RHEB: variants seen among roughly 807,000 people sequenced by gnomAD.
RHEB encodes GTP-binding protein Rheb.
In RHEB, 2 loss-of-function variants were observed where a neutral mutation model predicts 28.8. That is an observed-to-expected ratio of 0.07 (90% confidence interval 0.03 to 0.22). RHEB has a LOEUF of 0.22. RHEB is among the 10% of genes least tolerant of loss of function. The pLI, the probability that RHEB is intolerant of heterozygous loss-of-function variation, is 1.00. For synonymous variants in RHEB, 69 were observed against 77.3 expected (o/e 0.89, Z 0.56); for missense variants, 76 against 219.9 (o/e 0.35, Z 4.14).
chr7:151,517,891 T>A (rs923732672), intron 1 of RHEB: 1 of 152,192 alleles, frequency 6.6e-6, no homozygotes, highest in African/African-American at 2.4e-5. Flanking sequence ...AAGTACTTAC[T>A]TGACTGACTA....
At chr7:151,489,593 G>C (rs944505571) in intron 2 of RHEB, among the ~76,000 whole-genome samples, 2 of 152,212 alleles carry the variant, frequency 1.3e-5, no homozygotes, top group Non-Finnish European at 2.9e-5. Context: ...TAAAGGGCCA[G>C]ACAGTACCAG....
At chr7:151,501,823 TCCTACC>T in intron 1 of RHEB, 1 of 437,668 alleles carries the variant, frequency 2.3e-6, no homozygotes, top group Admixed American at 2.9e-5. Context: ...AGAGCCGGTG[TCCTACC>T]AGCCGCTGCT....
intron 3 of RHEB, among the ~76,000 whole-genome samples, chr7:151,479,684 A>AAC (rs1238550047): frequency 6.8e-6 from 1 of 147,686 alleles, no homozygotes; most frequent in African/African-American, 2.5e-5. Flanking sequence ...CTCCGTCTCA[A>AAC]AAAAAAAAAA....
At chr7:151,516,622 C>CA (rs551863062) in intron 1 of RHEB, among the ~76,000 whole-genome samples, 2,710 of 91,928 alleles carry the variant, frequency 0.029, 77 homozygotes, top group East Asian at 0.11. Context: ...GACTCTGTCA[C>CA]AAAAAAAAAA....
chr7:151,488,891 A>T (rs1802528994), intron 2 of RHEB, among the ~76,000 whole-genome samples: 1 of 152,232 alleles, frequency 6.6e-6, no homozygotes, highest in Non-Finnish European at 1.5e-5. Context: ...TTACTAAGAA[A>T]ATGTATGTAT....
At chr7:151,474,564 C>T (rs1039244015) in intron 4 of RHEB, among the ~76,000 whole-genome samples, 79 of 152,100 alleles carry the variant, frequency 5.2e-4, no homozygotes, top group African/African-American at 1.5e-3. Flanking sequence ...AATTTACAGG[C>T]GACAAAGGTA....
chr7:151,502,712 C>G (rs551322673), intron 1 of RHEB: 3 of 1,603,972 alleles, frequency 1.9e-6, no homozygotes, highest in African/African-American at 1.3e-5. Context: ...GTGGATCTCC[C>G]AAAGAAACAC....
intron 1 of RHEB, among the ~76,000 whole-genome samples, chr7:151,511,039 T>C (rs1237074275): frequency 2.6e-5 from 4 of 151,744 alleles, no homozygotes; most frequent in Admixed American, 6.6e-5. Context: ...GATCGCGACA[T>C]TGCACTGCAG....
At chr7:151,508,635 T>G (rs888429446) in intron 1 of RHEB, among the ~76,000 whole-genome samples, 4 of 45,586 alleles carry the variant, frequency 8.8e-5, no homozygotes, top group African/African-American at 9.8e-5. Context: ...ATATTTTTAG[T>G]TTTTTTTTTT....
Position 151,471,359 on chromosome 7 carries a change from A to C in RHEB, c.380+35T>G, listed in dbSNP as rs368281750. On this transcript the variant is annotated intron_variant, in intron 6 of 7. Transcript: ENST00000262187. ...ATTAAAATGATACTTCAGTGACTAA[A>C]TCATCTTAGATTTGACTTTATAAAA... is the stretch of plus-strand genomic sequence containing the variant. 1.0e-5 allele frequency: 14 copies of C among 1,335,442 alleles called. No homozygotes were observed. The African/African-American group carries it at 2.1e-4, about 20-fold the overall frequency. 82.7% of individuals were successfully genotyped at this position (1,335,442 alleles called of 1,614,324 possible). A position where few individuals can be genotyped will look rare whatever the true frequency, so the allele number is the denominator to read the frequency against.
chr7:151,485,609 G>A (rs1039950356), intron 2 of RHEB, among the ~76,000 whole-genome samples: 2 of 152,172 alleles, frequency 1.3e-5, no homozygotes, highest in African/African-American at 4.8e-5. Flanking sequence ...CGTCCTATAT[G>A]ACTAGAGCCA....
intron 3 of RHEB, among the ~76,000 whole-genome samples, chr7:151,484,059 C>T (rs1032156406): frequency 6.6e-6 from 1 of 152,064 alleles, no homozygotes; most frequent in Non-Finnish European, 1.5e-5. Flanking sequence ...CTCTCAAATC[C>T]ACCCACCCAG....
At chr7:151,511,947 A>T (rs768015334) in intron 1 of RHEB, among the ~76,000 whole-genome samples, 4 of 152,230 alleles carry the variant, frequency 2.6e-5, no homozygotes, top group Non-Finnish European at 5.9e-5. Flanking sequence ...CACTGCGCAC[A>T]GCTGATTATA....
At chr7:151,497,476 T>G (rs1802694346) in intron 1 of RHEB, among the ~76,000 whole-genome samples, 1 of 152,180 alleles carries the variant, frequency 6.6e-6, no homozygotes, top group South Asian at 2.1e-4. Flanking sequence ...CTCCAGAGTG[T>G]TCCCTAATCC....
chr7:151,505,005 T>C (rs1052334133), intron 1 of RHEB, among the ~76,000 whole-genome samples: 1 of 143,160 alleles, frequency 7.0e-6, no homozygotes, highest in Non-Finnish European at 1.5e-5. Flanking sequence ...ATCAGAGACC[T>C]AAACATAAAA....
At position 151,511,572 on chromosome 7, in the gene RHEB, C is replaced by CT. The variant is rs534393798; in HGVS notation, c.52+7887dup. ...TAAAGCTCCAATCCTACAGGAACTC[C>CT]TTTTTTTTTTTTAATAACCAGAAGC... On this transcript the variant is annotated intron_variant, in intron 1 of 7. Transcript: ENST00000262187. 1.7e-3 allele frequency among the ~76,000 whole-genome samples: 241 copies of CT among 145,886 alleles called. 1 individual carries two copies. Among genetic ancestry groups the CT allele is most frequent in the East Asian group, 3.8e-3 (19 of 5,024 alleles).
intron 1 of RHEB, among the ~76,000 whole-genome samples, chr7:151,511,981 A>C (rs2150939173): frequency 6.6e-6 from 1 of 152,346 alleles, no homozygotes; most frequent in East Asian, 1.9e-4. Context: ...CCAGCAATTC[A>C]TGTTAAAAGG....
chr7:151,469,513 G>A (rs1005189884), intron 7 of RHEB, among the ~76,000 whole-genome samples: 5 of 124,874 alleles, frequency 4.0e-5, no homozygotes, highest in South Asian at 3.4e-4. Context: ...CTGGCGCCCG[G>A]CCCTCCCAGG....
chr7:151,492,613 T>C (rs1802603919), intron 1 of RHEB, among the ~76,000 whole-genome samples: 1 of 148,500 alleles, frequency 6.7e-6, no homozygotes, highest in Non-Finnish European at 1.5e-5. Context: ...TGAGACTCTG[T>C]CTTATAAAAA....
Sources: gnomAD v4.1 joint callset for allele counts (sites outside exome capture counted in the v4.1 genomes callset) on GRCh38, gnomAD v4.1.1 for gene constraint, MANE v1.5 for transcripts, NCBI Gene and HGNC (gene_info 2026-07-23, HGNC 2026-07-21) for gene names.